Variants in EXOC4 observed in about 807,000 individuals in gnomAD.
EXOC4 encodes exocyst complex component 4, also known as SEC8-like 1.
A neutral mutation model predicts 107.2 loss-of-function variants in EXOC4; 71 were observed. That is an observed-to-expected ratio of 0.66 (90% CI 0.55 to 0.81). EXOC4 has a LOEUF of 0.81. EXOC4 is among the 30% of genes least tolerant of loss of function. The probability of loss-of-function intolerance (pLI) is 0.00; values close to 1 mark genes in which losing one functional copy is unlikely to be tolerated. For synonymous variants in EXOC4, 456 were observed against 441.2 expected, an observed-to-expected ratio of 1.03 and a Z score of -0.42; for missense variants, 1,108 against 1,189.6, an observed-to-expected ratio of 0.93 and a Z score of 1.01.
chr7:133,346,612 A>G (rs187888306), intron 5 of EXOC4, among the ~76,000 whole-genome samples: 1 of 152,026 alleles, frequency 6.6e-6, no homozygotes, highest in African/African-American at 2.4e-5. Flanking sequence ...CCAGGTTCTC[A>G]TCTGTGGGGC....
intron 9 of EXOC4, among the ~76,000 whole-genome samples, chr7:133,620,724 C>T (rs1400786767): frequency 1.3e-5 from 2 of 151,970 alleles, no homozygotes; most frequent in African/African-American, 4.8e-5. Flanking sequence ...AGTAGGGTTC[C>T]CCAGCTCACA....
chr7:133,621,755 A>G (rs1162634098), intron 9 of EXOC4, among the ~76,000 whole-genome samples: 3 of 152,128 alleles, frequency 2.0e-5, no homozygotes, highest in Non-Finnish European at 1.5e-5. Context: ...CCTTATGGCC[A>G]CCTTTTTAAG....
At chr7:133,340,017 A>G (rs1795620736) in intron 5 of EXOC4, among the ~76,000 whole-genome samples, 1 of 152,042 alleles carries the variant, frequency 6.6e-6, no homozygotes, top group African/African-American at 2.4e-5. Flanking sequence ...TTCTTGTCTA[A>G]TTGCTCTGGC....
chr7:133,710,843 T>C (rs1329892304), intron 10 of EXOC4, among the ~76,000 whole-genome samples: 1 of 151,922 alleles, frequency 6.6e-6, no homozygotes, highest in Non-Finnish European at 1.5e-5. Flanking sequence ...TGCCAGATAC[T>C]GTTCTTTTCT....
At chr7:133,969,347 C>T (rs560220662) in intron 14 of EXOC4, among the ~76,000 whole-genome samples, 127 of 152,288 alleles carry the variant, frequency 8.3e-4, no homozygotes, top group Admixed American at 6.1e-3. Flanking sequence ...TCTGTCAATT[C>T]GCCAAACTCA....
chr7:133,446,487 A>G (rs546618661), intron 7 of EXOC4, among the ~76,000 whole-genome samples: 1 of 152,312 alleles, frequency 6.6e-6, no homozygotes, highest in South Asian at 2.1e-4. Context: ...TAGTGAAAAC[A>G]TGCCAGCTTA....
intron 10 of EXOC4, among the ~76,000 whole-genome samples, chr7:133,652,859 A>G (rs1480902205): frequency 6.6e-6 from 1 of 152,212 alleles, no homozygotes; most frequent in Non-Finnish European, 1.5e-5. Context: ...CAATATCCTA[A>G]AAGTTTACAG....
chr7:133,930,070 T>C (rs1800142556), intron 13 of EXOC4, among the ~76,000 whole-genome samples: 1 of 152,224 alleles, frequency 6.6e-6, no homozygotes, highest in African/African-American at 2.4e-5. Flanking sequence ...TTTAAACCTA[T>C]ACTCAGTAGT....
intron 14 of EXOC4, among the ~76,000 whole-genome samples, chr7:133,953,776 A>G (rs1201373923): frequency 6.6e-6 from 1 of 152,252 alleles, no homozygotes; most frequent in African/African-American, 2.4e-5. Flanking sequence ...GCTGTTTACA[A>G]TGTTGGCTAT....
intron 10 of EXOC4, among the ~76,000 whole-genome samples, chr7:133,813,951 G>C (rs1440379496): frequency 6.6e-6 from 1 of 152,022 alleles, no homozygotes; most frequent in Non-Finnish European, 1.5e-5. Context: ...CTCTTTACTA[G>C]GTTAAACAGC....
chr7:133,420,983 C>G (rs1351022838), intron 7 of EXOC4, among the ~76,000 whole-genome samples: 1 of 151,480 alleles, frequency 6.6e-6, no homozygotes, highest in African/African-American at 2.4e-5. Flanking sequence ...AAAATTGTTC[C>G]TTTCCCTTTT....
At chr7:134,085,700 A>G in the EXOC4 span, among the ~76,000 whole-genome samples, 5 of 152,230 alleles carry the variant, frequency 3.3e-5, no homozygotes, top group Non-Finnish European at 5.9e-5. Context: ...TTCACAGCTC[A>G]TTGCTTGGGA....
At chr7:133,823,846 TATATATATATATATATATATATATA>T (rs1797592771) in intron 11 of EXOC4, among the ~76,000 whole-genome samples, 1 of 1,600 alleles carries the variant, frequency 6.3e-4, no homozygotes, top group Non-Finnish European at 1.2e-3. Context: ...ATATATATTA[TATATATATATATATATATATATATA>T]TTATATATAT....
rs113386173 is a variant in EXOC4 at position 133,930,982 on chromosome 7, A to AT, written c.2028-6899dup. Among the ~76,000 whole-genome samples, 604 of 139,770 alleles carry AT rather than the reference A, an allele frequency of 4.3e-3. 4 individuals are homozygous for AT. Among genetic ancestry groups the AT allele is most frequent in the African/African-American group, 8.0e-3 (299 of 37,570 alleles). The allele number at this position is 139,770 out of a possible 152,430, so 91.7% of individuals were successfully genotyped here. A position where few individuals can be genotyped will look rare whatever the true frequency, so the allele number is the denominator to read the frequency against. On this transcript the variant is annotated intron_variant, in intron 13 of 17. Coordinates refer to ENST00000253861, the MANE Select transcript of EXOC4 (RefSeq NM_021807.4). ...TCAGGTTCTAGTTTACATTTATGGC[A>AT]TTTTTTTTTTCAAGCATTCGTCATT...
intron 11 of EXOC4, among the ~76,000 whole-genome samples, chr7:133,823,825 CATAT>C (rs1353272770): frequency 8.5e-5 from 4 of 46,924 alleles, no homozygotes; most frequent in East Asian, 1.1e-3. Context: ...AAAATACATA[CATAT>C]ATATATATAT....
chr7:134,079,460 C>T, the EXOC4 span, among the ~76,000 whole-genome samples: 1 of 152,202 alleles, frequency 6.6e-6, no homozygotes, highest in South Asian at 2.1e-4. Context: ...CTTACCAGCC[C>T]ACCACATGTC....
chr7:133,543,736 C>G (rs1309917177), intron 9 of EXOC4, among the ~76,000 whole-genome samples: 1 of 143,964 alleles, frequency 6.9e-6, no homozygotes, highest in Non-Finnish European at 1.5e-5. Flanking sequence ...CACTTCTCCT[C>G]TATAGCCGTC....
chr7:134,088,081 C>CTAA, the EXOC4 span, among the ~76,000 whole-genome samples: 1 of 152,138 alleles, frequency 6.6e-6, no homozygotes, highest in Non-Finnish European at 1.5e-5. Flanking sequence ...CTCTCCTAGG[C>CTAA]CTGATAGAAA....
chr7:133,504,845 T>C (rs1309547283), intron 9 of EXOC4, among the ~76,000 whole-genome samples: 1 of 152,128 alleles, frequency 6.6e-6, no homozygotes, highest in Non-Finnish European at 1.5e-5. Context: ...TATCCTACTC[T>C]AGCAGAAGTA....
Sources: allele counts gnomAD v4.1 joint callset (sites outside exome capture counted in the v4.1 genomes callset), GRCh38; gene constraint gnomAD v4.1.1; transcripts MANE v1.5; gene names NCBI Gene and HGNC (gene_info 2026-07-23, HGNC 2026-07-21).